Variants in CREBBP observed in about 807,000 individuals in gnomAD.
The protein encoded by CREBBP is CREB-binding protein.
CREBBP carries 19 observed loss-of-function variants against 265.0 expected under a neutral mutation model. The ratio of observed to expected loss-of-function variants is 0.07; its 90% CI spans 0.05 to 0.11. The LOEUF is 0.11. Ranked by LOEUF, CREBBP falls within the 10% of genes least tolerant of loss-of-function variation. CREBBP has a pLI of 1.00. For synonymous variants in CREBBP, 1,457 were observed against 1,223.7 expected (o/e 1.19, Z -3.98); for missense variants, 2,525 against 3,219.0 (o/e 0.78, Z 5.22).
chr16:3,838,022 A>G (rs1270689854), intron 2 of CREBBP, among the ~76,000 whole-genome samples: 1 of 152,042 alleles, frequency 6.6e-6, no homozygotes, highest in African/African-American at 2.4e-5. Context: ...CCTGCCACAC[A>G]CACCAGGATC....
At position 3,728,697 on chromosome 16, in the gene CREBBP, G is replaced by C. The variant is rs2151304535; in HGVS notation, c.6350C>G (p.Pro2117Arg). The C allele has an allele frequency of 6.2e-7, 1 of 1,614,002 alleles. No homozygotes were observed. ...GGGCTGGGACTGGAGGCCAGGCTGGGGCTGCATGCCGGGCTGATTGGCCAC... is the reference window on the plus strand; with the variant it reads ...GGGCTGGGACTGGAGGCCAGGCTGGCGCTGCATGCCGGGCTGATTGGCCAC... ...KYVANQPGMQPQPGLQSQPGM... is the reference protein window; with the variant it reads ...KYVANQPGMQRQPGLQSQPGM... Residue 2117 changes from proline (P) to arginine (R), a missense_variant, in exon 31 of 31, where the codon CCC becomes CGC. Transcript: ENST00000262367. This position sits in a 1 kb window ranked among gnomAD's most constrained non-coding sequence, Gnocchi z 8.7.
chr16:3,770,421 C>T (rs2052972534), intron 14 of CREBBP, 149 bp downstream of exon 14: 3 of 961,720 alleles, frequency 3.1e-6, no homozygotes, highest in Admixed American at 3.4e-5. Flanking sequence ...GTCTTGAACT[C>T]ATGGGCTCAA....
At chr16:3,777,851 A>T in intron 10 of CREBBP, 160 bp downstream of exon 10, 1 of 1,088,348 alleles carries the variant, frequency 9.2e-7, no homozygotes, top group Non-Finnish European at 1.4e-6. Context: ...CAGTGTCCCA[A>T]CACAGCCTGA....
At chr16:3,759,138 C>T (rs976273865) in intron 16 of CREBBP, among the ~76,000 whole-genome samples, 166 bp from the exon 17 acceptor site, 4 of 152,210 alleles carry the variant, frequency 2.6e-5, no homozygotes, top group African/African-American at 9.7e-5. Flanking sequence ...CTTCTGAAAA[C>T]ACACTAGTGT....
chr16:3,771,073 A>C lies in CREBBP; in HGVS notation c.2464-87T>G, dbSNP rs1250925292. The C allele has an allele frequency of 3.9e-6, 6 of 1,542,134 alleles. No homozygotes were observed. In the East Asian group the frequency reaches 1.4e-4, roughly 36 times the overall value. ...TTTGAAAAATTAAATGTATGAAAAA[A>C]AAATTTTTTTTTTTGAGACAGTTTC... On this transcript the variant is annotated intron_variant, in intron 13 of 30. Transcript: ENST00000262367.
intron 5 of CREBBP, among the ~76,000 whole-genome samples, chr16:3,785,726 G>A (rs936028429): frequency 3.3e-5 from 5 of 152,134 alleles, no homozygotes; most frequent in Non-Finnish European, 5.9e-5. Context: ...CTGTATTATT[G>A]CCACTTAACT....
chr16:3,772,311 AT>A (rs1034012923), intron 13 of CREBBP, among the ~76,000 whole-genome samples: 8 of 142,814 alleles, frequency 5.6e-5, no homozygotes, highest in African/African-American at 1.8e-4. Context: ...TAAAAAAAAA[AT>A]TCTCTCTGAA....
rs891106729 is a variant in CREBBP, at chr16:3,789,203, T to G, written c.1330+2778A>C. ...GAGTCCCGGGGCCCCTAAGGCAGTC[T>G]CCACAGAGCGAGCACAGGTGGGTCT... On this transcript the variant is annotated intron_variant, in intron 5 of 30. Transcript: ENST00000262367. 3.3e-5 allele frequency among the ~76,000 whole-genome samples: 5 copies of G among 152,096 alleles called. No individual in the cohort carries two copies. The South Asian group carries it at 6.2e-4, about 19-fold the overall frequency.
At position 3,756,069 on chromosome 16, in the gene CREBBP, C is replaced by G. The variant is rs74005856; in HGVS notation, c.3698+1219G>C. Among the ~76,000 whole-genome samples the G allele has an allele frequency of 4.8e-3, 723 of 151,990 alleles. 9 individuals are homozygous for G. Among genetic ancestry groups the G allele is most frequent in the African/African-American group, 0.016 (677 of 41,426 alleles). ...AGAATTAAAACACATAACCATAAAA[C>G]TCCAAAATTTTCAGGCCTGTGAACA... On this transcript the variant is annotated intron_variant, in intron 19 of 30. Transcript: ENST00000262367.
rs145715685 is a variant in CREBBP at position 3,737,323 on chromosome 16, A to G, written c.4395-508T>C. Reference sequence around the variant, plus strand: ...AGAAGGAAGCCAGACCCAAGACAGCATACGCTGCAGGGTTCCGTTTACACA... The same window carrying G: ...AGAAGGAAGCCAGACCCAAGACAGCGTACGCTGCAGGGTTCCGTTTACACA... On this transcript the variant is annotated intron_variant, in intron 26 of 30. Transcript: ENST00000262367. Among the ~76,000 whole-genome samples the G allele has an allele frequency of 2.8e-4, 42 of 152,328 alleles. No homozygotes were observed. The East Asian group carries it at 6.7e-3, about 24-fold the overall frequency.
chr16:3,813,241 T>C (rs563366331), intron 2 of CREBBP, among the ~76,000 whole-genome samples: 7 of 152,322 alleles, frequency 4.6e-5, no homozygotes, highest in Non-Finnish European at 1.0e-4. Flanking sequence ...TTCTCACCTT[T>C]TGGAAAGCAA....
At chr16:3,794,236 G>A (rs1432498839) in intron 3 of CREBBP, among the ~76,000 whole-genome samples, 2 of 149,358 alleles carry the variant, frequency 1.3e-5, no homozygotes, top group Non-Finnish European at 3.0e-5. Flanking sequence ...GGAGGCTGAG[G>A]CAGGAGAATG....
chr16:3,759,653 T>C (rs2052667440), intron 16 of CREBBP, among the ~76,000 whole-genome samples: 1 of 151,924 alleles, frequency 6.6e-6, no homozygotes, highest in African/African-American at 2.4e-5. Context: ...TTTTTTATCC[T>C]TGGCTAAATT....
chr16:3,729,892 G>A lies in CREBBP; in HGVS notation c.5173-18C>T, dbSNP rs1292484346. ...TCGTAGTCCTGCAAGCAAGGAAAGGGGACAGGCCGGTGTCAGCATGGGACC... is the reference window on the plus strand; with the variant it reads ...TCGTAGTCCTGCAAGCAAGGAAAGGAGACAGGCCGGTGTCAGCATGGGACC... On this transcript the variant is annotated intron_variant, in intron 30 of 30. Transcript: ENST00000262367. 2 of 1,599,442 alleles carry A rather than the reference G, an allele frequency of 1.3e-6. No individual in the cohort carries two copies. The highest frequency in any genetic ancestry group is 8.5e-7 in the Non-Finnish European group (1 of 1,179,770).
At chr16:3,829,520 T>C (rs2054300918) in intron 2 of CREBBP, among the ~76,000 whole-genome samples, 2 of 152,176 alleles carry the variant, frequency 1.3e-5, no homozygotes, top group African/African-American at 4.8e-5. Flanking sequence ...GGTGGCACAG[T>C]GCTAGAGACA....
chr16:3,862,268 G>A (rs1465421708), intron 1 of CREBBP, among the ~76,000 whole-genome samples: 1 of 152,172 alleles, frequency 6.6e-6, no homozygotes, highest in East Asian at 1.9e-4. Flanking sequence ...CAAAGAGGCA[G>A]GGACAGAAGA....
chr16:3,740,637 G>C (rs931196548), intron 23 of CREBBP, 88 bp from the exon 24 acceptor site: 2 of 1,454,324 alleles, frequency 1.4e-6, no homozygotes, highest in Admixed American at 1.7e-5. Flanking sequence ...CCACTTTGCA[G>C]CACAGGCTGA....
At chr16:3,792,614 C>T (rs1198657588) in intron 4 of CREBBP, among the ~76,000 whole-genome samples, 1 of 152,210 alleles carries the variant, frequency 6.6e-6, no homozygotes, top group Admixed American at 6.5e-5. Context: ...AAGGTCTAAC[C>T]TTACCCTTCT....
At position 3,878,467 on chromosome 16, in the gene CREBBP, T is replaced by C. The variant is rs886983919; in HGVS notation, c.85+1365A>G. 5.9e-5 allele frequency among the ~76,000 whole-genome samples: 9 copies of C among 152,380 alleles called. No homozygotes were observed. The East Asian group carries it at 9.6e-4, about 16-fold the overall frequency. ...TAACTAGATAAGAATCTCCTTATGA[T>C]TGATCTTTAAAAATCGCTTTTCACT... On this transcript the variant is annotated intron_variant, in intron 1 of 30. Coordinates refer to ENST00000262367, the MANE Select transcript of CREBBP (RefSeq NM_004380.3).
Sources: allele counts gnomAD v4.1 joint callset (sites outside exome capture counted in the v4.1 genomes callset), GRCh38; gene constraint gnomAD v4.1.1; non-coding constraint Gnocchi (gnomAD v3.1); transcripts MANE v1.5; gene names NCBI Gene and HGNC (gene_info 2026-07-23, HGNC 2026-07-21).